Variants in MBNL2 observed in about 807,000 individuals in gnomAD.
MBNL2 encodes the protein muscleblind like splicing regulator 2.
Under a neutral mutation model 41.9 loss-of-function variants are expected in MBNL2, and 17 were observed. That is an observed-to-expected ratio of 0.41 (90% CI 0.28 to 0.61). The LOEUF is 0.61. Among genes scored for constraint, MBNL2 ranks in the 20% least tolerant of loss-of-function variants. MBNL2 has a pLI of 0.35. For synonymous variants in MBNL2, 195 were observed against 182.9 expected (o/e 1.07, Z -0.53); for missense variants, 336 against 505.6 (o/e 0.66, Z 3.22).
At chr13:97,370,764 A>G (rs765967152) in intron 8 of MBNL2, among the ~76,000 whole-genome samples, 5 of 152,152 alleles carry the variant, frequency 3.3e-5, no homozygotes, top group Non-Finnish European at 7.4e-5. Flanking sequence ...AATAATTTTT[A>G]TAGAAGTAAG....
At chr13:97,245,353 A>C (rs1242017112) in intron 1 of MBNL2, among the ~76,000 whole-genome samples, 1 of 152,146 alleles carries the variant, frequency 6.6e-6, no homozygotes, top group Non-Finnish European at 1.5e-5. Context: ...TGGACAGGAT[A>C]GGGGGAAGGG....
At chr13:97,240,712 C>T (rs2044102153) in intron 1 of MBNL2, among the ~76,000 whole-genome samples, 1 of 152,142 alleles carries the variant, frequency 6.6e-6, no homozygotes, top group South Asian at 2.1e-4. Flanking sequence ...AACACTGGAG[C>T]ATGTTACCCA....
intron 3 of MBNL2, among the ~76,000 whole-genome samples, chr13:97,339,000 AGAGT>A (rs1418571426): frequency 6.6e-6 from 1 of 151,140 alleles, no homozygotes; most frequent in Non-Finnish European, 1.5e-5. Context: ...TGTTTGCGTG[AGAGT>A]GTGTTGAGTA....
chr13:97,287,939 G>GTTTTTTTTTTTTTTTTTTTTTTT (rs139487015), intron 2 of MBNL2, among the ~76,000 whole-genome samples: 1 of 114,098 alleles, frequency 8.8e-6, no homozygotes, highest in African/African-American at 4.1e-5. Context: ...GTTTTGTTTT[G>GTTTTTTTTTTTTTTTTTTTTTTT]TTTTTTTTTT....
intron 1 of MBNL2, among the ~76,000 whole-genome samples, chr13:97,242,665 C>T (rs2044530538): frequency 6.6e-6 from 1 of 151,956 alleles, no homozygotes. Flanking sequence ...GTTGACATAG[C>T]AGAATGAGGA....
rs1033649843 is a variant in MBNL2, at chr13:97,346,374, AGAT to A, written c.541-426_541-424del. Among the ~76,000 whole-genome samples, 4 of 152,018 alleles carry A rather than the reference AGAT, an allele frequency of 2.6e-5. No homozygotes were observed. Among genetic ancestry groups the A allele is most frequent in the African/African-American group, 9.7e-5 (4 of 41,326 alleles). On this transcript the variant is annotated intron_variant, in intron 4 of 8. Coordinates refer to ENST00000679496, the MANE Select transcript of MBNL2 (RefSeq NM_001382683.1). The surrounding 1 kb of genome is among the most constrained non-coding windows in gnomAD (Gnocchi z 4.2). ...ATGATGGATGAATGAACAGGTGGAT[AGAT>A]GATTGGATAGATTGATTGATGGTAG...
intron 8 of MBNL2, among the ~76,000 whole-genome samples, chr13:97,387,373 C>T (rs1230562977): frequency 6.6e-6 from 1 of 152,164 alleles, no homozygotes; most frequent in East Asian, 1.9e-4. Context: ...GTTGACCACC[C>T]AGGCAAGGAT....
At chr13:97,371,321 C>T (rs1319938517) in intron 8 of MBNL2, among the ~76,000 whole-genome samples, 1 of 152,118 alleles carries the variant, frequency 6.6e-6, no homozygotes, top group African/African-American at 2.4e-5. Flanking sequence ...GAACATCTCT[C>T]TCCTCCTCCC....
rs776122955 is a variant in MBNL2, at chr13:97,346,889, A to G, written c.626A>G (p.Asp209Gly). 6.2e-7 allele frequency: 1 copy of G among 1,614,100 alleles called. No individual in the cohort carries two copies. Among genetic ancestry groups the G allele is most frequent in the African/African-American group, 1.3e-5 (1 of 75,048 alleles). The change falls in exon 5 of 9, where the codon GAC becomes GGC. Residue 209 changes from aspartate (D) to glycine (G), a missense_variant. Asp to Gly is a moderately conservative substitution (Grantham distance 94). Coordinates refer to ENST00000679496, the MANE Select transcript of MBNL2 (RefSeq NM_001382683.1). This position sits in a 1 kb window ranked among gnomAD's most constrained non-coding sequence, Gnocchi z 4.2. ...FAHPADSTMI[D>G]TSDNTVTVCM... ...CACCCCGCAGACAGCACCATGATCG[A>G]CACAAGTGACAACACCGTAACCGTT...
chr13:97,199,528 A>T, the MBNL2 span, among the ~76,000 whole-genome samples: 5 of 152,248 alleles, frequency 3.3e-5, no homozygotes, highest in African/African-American at 1.2e-4. Context: ...AAACATGTGC[A>T]TAGACAACCA....
the MBNL2 span, among the ~76,000 whole-genome samples, chr13:97,196,298 C>T: frequency 1.3e-5 from 2 of 152,180 alleles, no homozygotes; most frequent in African/African-American, 4.8e-5. Flanking sequence ...TTTGAAGTAT[C>T]CTGGAAGGTA....
intron 2 of MBNL2, among the ~76,000 whole-genome samples, chr13:97,318,350 CT>C (rs750851625): frequency 5.9e-5 from 9 of 152,192 alleles, no homozygotes; most frequent in Non-Finnish European, 1.2e-4. Context: ...AATCCTGGTT[CT>C]GTATCTTGCT....
chr13:97,310,326 C>T (rs916560486), intron 2 of MBNL2, among the ~76,000 whole-genome samples: 2 of 152,034 alleles, frequency 1.3e-5, no homozygotes, highest in Non-Finnish European at 2.9e-5. Context: ...TGATACAATG[C>T]TAATTATGTG....
chr13:97,337,387 G>A (rs1217863821), intron 3 of MBNL2, among the ~76,000 whole-genome samples: 3 of 152,318 alleles, frequency 2.0e-5, no homozygotes, highest in East Asian at 3.9e-4. Flanking sequence ...ACCTCTCAGC[G>A]GTGCTCAAGT....
At chr13:97,205,404 TAAA>T in the MBNL2 span, among the ~76,000 whole-genome samples, 1 of 150,984 alleles carries the variant, frequency 6.6e-6, no homozygotes, top group Non-Finnish European at 1.5e-5. Context: ...AAATAAAAAA[TAAA>T]AAAAAGATAA....
chr13:97,221,267 A>T (rs1276708433), upstream of MBNL2, among the ~76,000 whole-genome samples: 2 of 151,988 alleles, frequency 1.3e-5, no homozygotes, highest in South Asian at 2.1e-4. Flanking sequence ...TTTTCTCAAA[A>T]TGTGGTATTT....
At chr13:97,342,127 G>A (rs879259112) in intron 3 of MBNL2, among the ~76,000 whole-genome samples, 5 of 152,130 alleles carry the variant, frequency 3.3e-5, no homozygotes, top group Non-Finnish European at 7.4e-5. Context: ...ACTTAACAAG[G>A]TTTGTTCTCT....
intron 1 of MBNL2, among the ~76,000 whole-genome samples, chr13:97,223,484 G>GTGCATTTT (rs2041115052): frequency 6.6e-6 from 1 of 152,088 alleles, no homozygotes; most frequent in Non-Finnish European, 1.5e-5. Flanking sequence ...GTTAGGCCTC[G>GTGCATTTT]GAAGCATGTG....
intron 1 of MBNL2, among the ~76,000 whole-genome samples, chr13:97,274,613 T>C (rs1374183746): frequency 6.6e-6 from 1 of 152,226 alleles, no homozygotes; most frequent in South Asian, 2.1e-4. Context: ...AGGTATAAAT[T>C]TTTTAGAAAG....
Sources: allele counts gnomAD v4.1 joint callset (sites outside exome capture counted in the v4.1 genomes callset), GRCh38; gene constraint gnomAD v4.1.1; non-coding constraint Gnocchi (gnomAD v3.1); transcripts MANE v1.5; gene names NCBI Gene and HGNC (gene_info 2026-07-23, HGNC 2026-07-21).